Variants in VEPH1 observed in about 807,000 individuals in gnomAD.
VEPH1 encodes ventricular zone-expressed PH domain-containing protein homolog 1.
In VEPH1, 80 loss-of-function variants were observed where a neutral mutation model predicts 85.2. The ratio of observed to expected loss-of-function variants is 0.94; its 90% CI spans 0.78 to 1.13. The LOEUF (loss-of-function observed/expected upper bound fraction) is 1.13. VEPH1 is among the 50% of genes most tolerant of loss of function. The probability of loss-of-function intolerance (pLI) is 0.00; values close to 1 mark genes in which losing one functional copy is unlikely to be tolerated. For synonymous variants in VEPH1, 297 were observed against 348.0 expected, an observed-to-expected ratio of 0.85 and a Z score of 1.63; for missense variants, 955 against 980.5, an observed-to-expected ratio of 0.97 and a Z score of 0.35.
intron 6 of VEPH1, among the ~76,000 whole-genome samples, chr3:157,388,868 A>G (rs1008652624): frequency 3.9e-5 from 6 of 152,194 alleles, no homozygotes; most frequent in Non-Finnish European, 8.8e-5. Flanking sequence ...GCCACTTTAT[A>G]TAAGTGATTT....
At chr3:157,419,868 C>T (rs1732197870) in intron 5 of VEPH1, among the ~76,000 whole-genome samples, 1 of 152,126 alleles carries the variant, frequency 6.6e-6, no homozygotes, top group Admixed American at 6.5e-5. Context: ...AAGATACTTG[C>T]ATGCATATGT....
At chr3:157,268,891 G>A (rs527520521) in intron 12 of VEPH1, among the ~76,000 whole-genome samples, 20 of 152,132 alleles carry the variant, frequency 1.3e-4, no homozygotes, top group Non-Finnish European at 2.4e-4. Context: ...GGGACCACAG[G>A]TGCACACCAC....
chr3:157,284,349 T>C (rs1716515870), intron 12 of VEPH1, among the ~76,000 whole-genome samples: 1 of 152,182 alleles, frequency 6.6e-6, no homozygotes, highest in African/African-American at 2.4e-5. Flanking sequence ...TGTACCTTAT[T>C]CATATTTCTA....
chr3:157,470,279 A>T, intron 3 of VEPH1, 35 bp downstream of exon 3: 2 of 1,599,020 alleles, frequency 1.3e-6, no homozygotes, highest in Non-Finnish European at 1.7e-6. Flanking sequence ...CTGCCAACTC[A>T]GTATCAAATA....
At chr3:157,446,379 T>TA (rs1464982482) in intron 4 of VEPH1, among the ~76,000 whole-genome samples, 2 of 152,122 alleles carry the variant, frequency 1.3e-5, no homozygotes, top group African/African-American at 4.8e-5. Flanking sequence ...GCAGAGATAA[T>TA]ATATGAACTA....
At chr3:157,332,372 C>T (rs1176063684) in intron 9 of VEPH1, among the ~76,000 whole-genome samples, 1 of 152,150 alleles carries the variant, frequency 6.6e-6, no homozygotes, top group Non-Finnish European at 1.5e-5. Flanking sequence ...GGAACCCCCA[C>T]ATCTGTTAAG....
chr3:157,495,083 A>G, intron 2 of VEPH1, 129 bp downstream of exon 2: 1 of 967,464 alleles, frequency 1.0e-6, no homozygotes, highest in Non-Finnish European at 1.5e-6. Context: ...CACAGAGCAG[A>G]TTAAGAGAGA....
intron 4 of VEPH1, among the ~76,000 whole-genome samples, chr3:157,450,264 C>T (rs1054673399): frequency 4.6e-5 from 7 of 151,836 alleles, no homozygotes; most frequent in East Asian, 1.9e-4. Flanking sequence ...GCTATGTTCC[C>T]GAGGCTGGTC....
At chr3:157,403,240 CA>C (rs60742690) in intron 6 of VEPH1, among the ~76,000 whole-genome samples, 9 of 150,022 alleles carry the variant, frequency 6.0e-5, no homozygotes, top group Admixed American at 1.3e-4. Flanking sequence ...ACTTGAGCTA[CA>C]AAAAAAAATC....
chr3:157,274,075 A>C (rs1715071403), intron 12 of VEPH1, among the ~76,000 whole-genome samples: 2 of 151,716 alleles, frequency 1.3e-5, no homozygotes, highest in Non-Finnish European at 2.9e-5. Flanking sequence ...TCCCTTTCCT[A>C]CTCCCTAGAG....
chr3:157,446,905 G>C (rs1308979922), intron 4 of VEPH1, among the ~76,000 whole-genome samples: 2 of 152,182 alleles, frequency 1.3e-5, no homozygotes, highest in Non-Finnish European at 2.9e-5. Context: ...AATCAGGCCT[G>C]TCAAGTAATC....
At chr3:157,265,500 G>C (rs1002602663) in intron 13 of VEPH1, 26 bp downstream of exon 13, 3 of 1,605,864 alleles carry the variant, frequency 1.9e-6, no homozygotes, top group Non-Finnish European at 1.7e-6. Context: ...AAAAATGCAA[G>C]TGTAAAAGAT....
chr3:157,407,236 AC>A (rs149789668), intron 6 of VEPH1, among the ~76,000 whole-genome samples: 1,736 of 152,276 alleles, frequency 0.011, 25 homozygotes, highest in Non-Finnish European at 0.014. Flanking sequence ...TTTAACTTAA[AC>A]CACTTCATAT....
At chr3:157,429,753 A>G (rs1733007368) in intron 4 of VEPH1, among the ~76,000 whole-genome samples, 1 of 152,202 alleles carries the variant, frequency 6.6e-6, no homozygotes, top group Admixed American at 6.5e-5. Flanking sequence ...GAATTTTTTA[A>G]TGCAATACCC....
At chr3:157,297,439 T>C (rs555124946) in intron 11 of VEPH1, among the ~76,000 whole-genome samples, 17 of 152,198 alleles carry the variant, frequency 1.1e-4, no homozygotes, top group Admixed American at 9.2e-4. Context: ...GATGAGGCCA[T>C]AATGTGATGT....
In VEPH1 at chr3:157,365,432, G is replaced by A. The variant is rs73873652; in HGVS notation, c.1128-920C>T. ...TTACCACACTTTTGACACCCAATAT[G>A]TGGGTTTTTTTCTCATACCAACTAA... On this transcript the variant is annotated intron_variant, in intron 7 of 13. Transcript: ENST00000362010. Among the ~76,000 whole-genome samples the A allele has an allele frequency of 2.4e-3, 365 of 152,250 alleles. 2 individuals are homozygous for A. The highest frequency in any genetic ancestry group is 0.014 in the South Asian group (70 of 4,828).
intron 9 of VEPH1, among the ~76,000 whole-genome samples, chr3:157,335,136 G>T (rs182470394): frequency 1.8e-4 from 28 of 152,176 alleles, no homozygotes; most frequent in Admixed American, 1.6e-3. Context: ...CTGTCAAAAA[G>T]CCCAAAGTGT....
chr3:157,443,081 G>A (rs1734267662), intron 4 of VEPH1: 2 of 1,348,672 alleles, frequency 1.5e-6, no homozygotes, highest in South Asian at 1.5e-5. Flanking sequence ...GAACACTTGA[G>A]ACTAATGAAA....
chr3:157,457,738 GC>G (rs1735500468), intron 4 of VEPH1, among the ~76,000 whole-genome samples: 1 of 152,168 alleles, frequency 6.6e-6, no homozygotes, highest in Admixed American at 6.6e-5. Context: ...TGATCGATAA[GC>G]TTTTTGATGT....
Sources: allele counts gnomAD v4.1 joint callset (sites outside exome capture counted in the v4.1 genomes callset), GRCh38; gene constraint gnomAD v4.1.1; transcripts MANE v1.5; gene names NCBI Gene and HGNC (gene_info 2026-07-23, HGNC 2026-07-21).